The following PRKD1 variants were observed in gnomAD, a reference collection of about 807,000 sequenced individuals.
The protein encoded by PRKD1 is serine/threonine-protein kinase D1.
Under a neutral mutation model 95.9 loss-of-function variants are expected in PRKD1, and 63 were observed. The observed-to-expected ratio is 0.66, with a 90% CI of 0.54 to 0.81. The LOEUF is 0.81. Ranked by LOEUF, PRKD1 falls within the 30% of genes least tolerant of loss-of-function variation. PRKD1 has a pLI of 0.00. For missense variants in PRKD1, 1,048 were observed against 1,165.3 expected, an observed-to-expected ratio of 0.90 and a Z score of 1.47; for synonymous variants, 425 against 423.1, an observed-to-expected ratio of 1.00 and a Z score of -0.05.
At chr14:29,924,835 T>C (rs1217356892) in intron 1 of PRKD1, among the ~76,000 whole-genome samples, 4 of 152,158 alleles carry the variant, frequency 2.6e-5, no homozygotes, top group Admixed American at 1.3e-4. Flanking sequence ...CTGCCATTCC[T>C]ACTGTCACAA....
intron 1 of PRKD1, among the ~76,000 whole-genome samples, chr14:29,866,772 A>G (rs1892922584): frequency 6.6e-6 from 1 of 152,204 alleles, no homozygotes; most frequent in African/African-American, 2.4e-5. Flanking sequence ...TGGCAGAGGT[A>G]GGAGGTTACT....
At chr14:29,692,019 T>C (rs754471955) in intron 2 of PRKD1, among the ~76,000 whole-genome samples, 2 of 152,142 alleles carry the variant, frequency 1.3e-5, no homozygotes, top group Non-Finnish European at 2.9e-5. Context: ...CCAGAACAAG[T>C]AGCATATTAA....
chr14:29,642,005 A>G (rs1050857450), intron 4 of PRKD1, among the ~76,000 whole-genome samples: 2 of 150,964 alleles, frequency 1.3e-5, no homozygotes, highest in Non-Finnish European at 1.5e-5. Context: ...CCAGGTTCAA[A>G]TGATTCTCCT....
chr14:29,796,754 C>T (rs1396564580), intron 1 of PRKD1, among the ~76,000 whole-genome samples: 4 of 151,988 alleles, frequency 2.6e-5, no homozygotes, highest in African/African-American at 7.3e-5. Flanking sequence ...TGAACCTGAC[C>T]AGAGTTCTAG....
chr14:29,623,343 T>C (rs1009937372), intron 13 of PRKD1, among the ~76,000 whole-genome samples: 7 of 152,180 alleles, frequency 4.6e-5, no homozygotes, highest in Non-Finnish European at 1.0e-4. Flanking sequence ...ACTCAATAAA[T>C]GGCAGTTAAA....
intron 1 of PRKD1, among the ~76,000 whole-genome samples, chr14:29,734,495 A>T (rs912893115): frequency 1.3e-5 from 2 of 151,994 alleles, no homozygotes; most frequent in Non-Finnish European, 2.9e-5. Context: ...GCCTATTTTT[A>T]AGCTTTGTTA....
At chr14:29,899,005 A>G (rs1382834182) in intron 1 of PRKD1, among the ~76,000 whole-genome samples, 1 of 152,220 alleles carries the variant, frequency 6.6e-6, no homozygotes, top group Non-Finnish European at 1.5e-5. Context: ...TAATTGATTA[A>G]TATTTATAAA....
chr14:29,632,164 A>G (rs1880052552), intron 9 of PRKD1, among the ~76,000 whole-genome samples: 1 of 152,226 alleles, frequency 6.6e-6, no homozygotes, highest in South Asian at 2.1e-4. Context: ...ATCTTCCAGG[A>G]AGTATGCAGG....
intron 1 of PRKD1, among the ~76,000 whole-genome samples, chr14:29,802,338 C>T (rs995316300): frequency 1.3e-5 from 2 of 152,132 alleles, no homozygotes; most frequent in African/African-American, 4.8e-5. Flanking sequence ...ATCTAATGCA[C>T]AAGGCAATTT....
At chr14:29,621,372 T>TTC (rs557373705) in intron 13 of PRKD1, among the ~76,000 whole-genome samples, 1 of 151,776 alleles carries the variant, frequency 6.6e-6, no homozygotes, top group Non-Finnish European at 1.5e-5. Flanking sequence ...GTTTCTTTCT[T>TTC]TCTCTCTCTC....
intron 1 of PRKD1, among the ~76,000 whole-genome samples, chr14:29,925,998 G>A (rs45448292): frequency 0.063 from 9,599 of 152,128 alleles, 417 homozygotes; most frequent in Non-Finnish European, 0.098. Context: ...TCATTTTCTT[G>A]GAAGTTGCAA....
In PRKD1 at chr14:29,642,998, A is replaced by T. The variant is rs190956391; in HGVS notation, c.697-4094T>A. 4.5e-4 allele frequency among the ~76,000 whole-genome samples: 68 copies of T among 152,166 alleles called. 1 individual carries two copies. Among genetic ancestry groups the T allele is most frequent in the Middle Eastern group, 6.8e-3 (2 of 294 alleles). The stretch of plus-strand genomic sequence containing the variant: ...TTCTGCTTCATTAATATGTTCAGAG[A>T]AAAAAATGGCTCAAAACTTAAAGAG... On this transcript the variant is annotated intron_variant, in intron 4 of 17. Coordinates refer to ENST00000331968, the MANE Select transcript of PRKD1 (RefSeq NM_002742.3).
At chr14:29,583,091 C>G (rs1892802402) in intron 16 of PRKD1, among the ~76,000 whole-genome samples, 1 of 152,162 alleles carries the variant, frequency 6.6e-6, no homozygotes, top group Non-Finnish European at 1.5e-5. Context: ...CCACAAGGAG[C>G]TGGGGCCCTC....
chr14:29,749,472 A>G (rs540449593), intron 1 of PRKD1, among the ~76,000 whole-genome samples: 1 of 152,200 alleles, frequency 6.6e-6, no homozygotes, highest in Admixed American at 6.5e-5. Context: ...CTCATTTCCT[A>G]CCAACATTTT....
intron 1 of PRKD1, among the ~76,000 whole-genome samples, chr14:29,899,554 T>G (rs746456809): frequency 4.6e-5 from 7 of 152,106 alleles, no homozygotes; most frequent in Non-Finnish European, 7.4e-5. Flanking sequence ...GGCTGAAGCA[T>G]GAGAATTGCT....
intron 1 of PRKD1, among the ~76,000 whole-genome samples, chr14:29,824,821 G>A (rs1241935797): frequency 6.6e-6 from 1 of 152,032 alleles, no homozygotes; most frequent in Admixed American, 6.6e-5. Flanking sequence ...TTGAGGATAT[G>A]TCTTACTTAT....
At chr14:29,598,999 T>A in intron 15 of PRKD1, 28 bp downstream of exon 15, 1 of 1,579,662 alleles carries the variant, frequency 6.3e-7, no homozygotes, top group East Asian at 2.2e-5. Flanking sequence ...CCAACTGGCT[T>A]TTTGCTGAGA....
intron 1 of PRKD1, among the ~76,000 whole-genome samples, chr14:29,894,678 A>G (rs1566658999): frequency 6.6e-6 from 1 of 152,196 alleles, no homozygotes. Context: ...CAGATTTTAG[A>G]TATATTTTGA....
At chr14:29,590,397 G>A (rs893126202) in intron 16 of PRKD1, among the ~76,000 whole-genome samples, 3 of 152,072 alleles carry the variant, frequency 2.0e-5, no homozygotes, top group Non-Finnish European at 4.4e-5. Flanking sequence ...TATTAAAAAC[G>A]TTAAGCTTTG....
Sources: gnomAD v4.1 joint callset for allele counts (sites outside exome capture counted in the v4.1 genomes callset) on GRCh38, gnomAD v4.1.1 for gene constraint, MANE v1.5 for transcripts, NCBI Gene and HGNC (gene_info 2026-07-23, HGNC 2026-07-21) for gene names.